Variants in RAD51B observed in about 807,000 individuals in gnomAD.
RAD51B encodes DNA repair protein RAD51 homolog 2.
Under a neutral mutation model 42.2 loss-of-function variants are expected in RAD51B, and 38 were observed. The observed-to-expected ratio is 0.90, with a 90% CI of 0.70 to 1.18. The LOEUF (loss-of-function observed/expected upper bound fraction) is 1.18, where lower values mean the gene tolerates loss of function less well. Ranked by LOEUF, RAD51B falls within the 50% of genes most tolerant of loss-of-function variation. The pLI is 0.00. For synonymous variants in RAD51B, 154 were observed against 145.2 expected, an observed-to-expected ratio of 1.06 and a Z score of -0.43; for missense variants, 373 against 400.7, an observed-to-expected ratio of 0.93 and a Z score of 0.59.
At chr14:68,674,421 T>C (rs543152059) in intron 11 of RAD51B, among the ~76,000 whole-genome samples, 102 of 152,228 alleles carry the variant, frequency 6.7e-4, no homozygotes, top group Non-Finnish European at 1.3e-3. Context: ...ATCATACATA[T>C]TATATGTTAC....
chr14:68,636,210 AC>A (rs1892336187), intron 10 of RAD51B, among the ~76,000 whole-genome samples: 1 of 152,120 alleles, frequency 6.6e-6, no homozygotes, highest in Admixed American at 6.5e-5. Context: ...GCCAGTAGAC[AC>A]CCTCTGATTC....
intron 8 of RAD51B, among the ~76,000 whole-genome samples, chr14:68,399,007 C>T (rs978826126): frequency 2.6e-5 from 4 of 152,066 alleles, no homozygotes; most frequent in Admixed American, 2.0e-4. Flanking sequence ...GGGATGGGGC[C>T]TAGGATTCTG....
At position 68,549,560 on chromosome 14, in the gene RAD51B, C is replaced by T. The variant is rs367655434; in HGVS notation, c.1037-44925C>T. ...CCTCCCGTGTAGCTGGGACTACAGG[C>T]GCGCGCCACCATGCCCGGCTAATTT... On this transcript the variant is annotated intron_variant, in intron 10 of 10. Coordinates refer to the RAD51B transcript ENST00000487270. Among the ~76,000 whole-genome samples the T allele has an allele frequency of 1.5e-4, 23 of 150,316 alleles. No homozygotes were observed. In the South Asian group the frequency reaches 4.1e-3, roughly 27 times the overall value.
chr14:68,121,471 A>G (rs2077650909), intron 7 of RAD51B, among the ~76,000 whole-genome samples: 1 of 152,164 alleles, frequency 6.6e-6, no homozygotes, highest in Non-Finnish European at 1.5e-5. Context: ...AAGTGATCTA[A>G]GGATCCACAA....
At chr14:68,103,782 A>T (rs886671631) in intron 7 of RAD51B, among the ~76,000 whole-genome samples, 4 of 152,318 alleles carry the variant, frequency 2.6e-5, no homozygotes, top group South Asian at 2.1e-4. Flanking sequence ...GAGACAATTT[A>T]AAAAATTAAT....
Position 68,185,418 on chromosome 14 carries a change from A to T in RAD51B, c.757-106466A>T, listed in dbSNP as rs138680955. Among the ~76,000 whole-genome samples, 191 of 152,318 alleles carry T rather than the reference A, an allele frequency of 1.3e-3. 1 individual carries two copies. Among genetic ancestry groups the T allele is most frequent in the African/African-American group, 4.1e-3 (171 of 41,574 alleles). On this transcript the variant is annotated intron_variant, in intron 7 of 10. Coordinates refer to ENST00000471583, the MANE Select transcript of RAD51B (RefSeq NM_133510.4). ...AAGGAATTCCATAGATCCAAAATGC[A>T]TATCTATTTGTCGCAAAGACAATAA...
At chr14:68,663,798 C>T (rs535969314) in intron 11 of RAD51B, among the ~76,000 whole-genome samples, 6 of 152,304 alleles carry the variant, frequency 3.9e-5, no homozygotes, top group East Asian at 3.9e-4. Context: ...TGATTTCCAC[C>T]GCTTTCCAGC....
chr14:68,312,438 G>A lies in RAD51B; in HGVS notation c.853+20458G>A, dbSNP rs1368706410. ...GTTATTAAGACAAGGATGGGATGAA[G>A]GATCAGTCTTCACAGACCTGCAAAT... On this transcript the variant is annotated intron_variant, in intron 8 of 10. Transcript: ENST00000471583. Among the ~76,000 whole-genome samples, 4 of 152,216 alleles carry A rather than the reference G, an allele frequency of 2.6e-5. 1 individual carries two copies. Among genetic ancestry groups the A allele is most frequent in the Admixed American group, 2.6e-4 (4 of 15,282 alleles).
At chr14:68,610,450 C>T (rs17106005) in intron 10 of RAD51B, among the ~76,000 whole-genome samples, 18,018 of 152,262 alleles carry the variant, frequency 0.12, 1,226 homozygotes, top group East Asian at 0.21. Context: ...GTCTCCCTTT[C>T]AGAAACCCAT....
At chr14:68,610,358 C>T (rs1001016324) in intron 10 of RAD51B, among the ~76,000 whole-genome samples, 6 of 152,232 alleles carry the variant, frequency 3.9e-5, no homozygotes, top group Non-Finnish European at 7.3e-5. Context: ...TCCTTCTCCT[C>T]CCTGGACCTT....
chr14:68,653,635 A>G (rs1363441790), intron 11 of RAD51B, among the ~76,000 whole-genome samples: 1 of 152,190 alleles, frequency 6.6e-6, no homozygotes, highest in Non-Finnish European at 1.5e-5. Flanking sequence ...GTCTCCAGCC[A>G]TTGCCAAATG....
At chr14:67,853,142 A>T (rs2041880669) in intron 4 of RAD51B, among the ~76,000 whole-genome samples, 1 of 152,254 alleles carries the variant, frequency 6.6e-6, no homozygotes. Context: ...TGGCCCTGAG[A>T]TAAGAGCAAG....
At chr14:68,429,009 G>GT (rs1343311178) in intron 9 of RAD51B, among the ~76,000 whole-genome samples, 1 of 151,264 alleles carries the variant, frequency 6.6e-6, no homozygotes, top group African/African-American at 2.4e-5. Context: ...GCAGTGTTTG[G>GT]TTTTTTGTCC....
intron 10 of RAD51B, among the ~76,000 whole-genome samples, chr14:68,491,709 C>T (rs1884088723): frequency 6.6e-6 from 1 of 152,190 alleles, no homozygotes; most frequent in Non-Finnish European, 1.5e-5. Context: ...CCCAATTCCC[C>T]AGTTTGTAAA....
intron 10 of RAD51B, among the ~76,000 whole-genome samples, chr14:68,484,895 A>T (rs1158137098): frequency 6.6e-6 from 1 of 152,204 alleles, no homozygotes; most frequent in Non-Finnish European, 1.5e-5. Context: ...TTCAGTTTGC[A>T]CATGGCTCAC....
chr14:68,059,843 G>C (rs186817915), intron 7 of RAD51B, among the ~76,000 whole-genome samples: 6 of 152,196 alleles, frequency 3.9e-5, no homozygotes, highest in Admixed American at 3.9e-4. Context: ...TATGTTTCTA[G>C]TAAACTGAAT....
intron 7 of RAD51B, among the ~76,000 whole-genome samples, chr14:67,935,935 C>T (rs888276508): frequency 2.6e-5 from 4 of 152,052 alleles, no homozygotes; most frequent in South Asian, 4.2e-4. Flanking sequence ...AGTAGGCCAA[C>T]GTCTGTTTGT....
At chr14:68,461,117 A>C (rs1213335039) in intron 9 of RAD51B, among the ~76,000 whole-genome samples, 1 of 152,096 alleles carries the variant, frequency 6.6e-6, no homozygotes, top group Non-Finnish European at 1.5e-5. Flanking sequence ...TAATAATTAG[A>C]GAGTACAGAT....
chr14:68,542,208 T>A, intron 10 of RAD51B, among the ~76,000 whole-genome samples: 1 of 152,148 alleles, frequency 6.6e-6, no homozygotes, highest in East Asian at 1.9e-4. Context: ...TTGAATGATA[T>A]AAATCCTTAT....
Sources: gnomAD v4.1 joint callset for allele counts (sites outside exome capture counted in the v4.1 genomes callset) on GRCh38, gnomAD v4.1.1 for gene constraint, MANE v1.5 for transcripts, NCBI Gene and HGNC (gene_info 2026-07-23, HGNC 2026-07-21) for gene names.